The following NF1 variants were observed in gnomAD, a reference collection of about 807,000 sequenced individuals.
NF1 encodes the protein neurofibromin.
A neutral mutation model predicts 325.7 loss-of-function variants in NF1; 122 were observed. The ratio of observed to expected loss-of-function variants is 0.37; its 90% CI spans 0.32 to 0.44. NF1 has a LOEUF of 0.44. Among genes scored for constraint, NF1 ranks in the 20% least tolerant of loss-of-function variants. The pLI, the probability that NF1 is intolerant of heterozygous loss-of-function variation, is 1.00. For missense variants in NF1, 2,140 were observed against 3,415.4 expected (o/e 0.63, Z 9.31); for synonymous variants, 1,091 against 1,186.0 (o/e 0.92, Z 1.65).
intron 36 of NF1, among the ~76,000 whole-genome samples, chr17:31,273,806 A>G (rs924868178): frequency 6.6e-6 from 1 of 152,322 alleles, no homozygotes; most frequent in Non-Finnish European, 1.5e-5. Flanking sequence ...TAAAGTTCTA[A>G]AATCTGCTTG....
intron 57 of NF1, chr17:31,362,386 A>G (rs1362270761): frequency 1.0e-6 from 1 of 976,326 alleles, no homozygotes; most frequent in Non-Finnish European, 1.2e-6. Context: ...TTAGGCTCAC[A>G]ATATTGTGTA....
At chr17:31,175,481 C>G (rs1427661415) in intron 5 of NF1, among the ~76,000 whole-genome samples, 1 of 150,568 alleles carries the variant, frequency 6.6e-6, no homozygotes, top group Non-Finnish European at 1.5e-5. Context: ...TTCGAAAGTG[C>G]TGAGATTATA....
At chr17:31,120,914 C>T (rs1030862465) in intron 1 of NF1, among the ~76,000 whole-genome samples, 16 of 151,812 alleles carry the variant, frequency 1.1e-4, no homozygotes, top group Admixed American at 2.0e-4. Flanking sequence ...ATTCCCACAA[C>T]TTCTAGGCCC....
intron 8 of NF1, among the ~76,000 whole-genome samples, chr17:31,183,852 G>A (rs1309012079): frequency 6.6e-6 from 1 of 152,136 alleles, no homozygotes; most frequent in African/African-American, 2.4e-5. Flanking sequence ...TCCTGCCCTC[G>A]AACATCAGAC....
In NF1 at chr17:31,360,576, C is replaced by T. The variant is rs769488796; in HGVS notation, c.8250C>T (p.Thr2750=). 6.2e-7 allele frequency: 1 copy of T among 1,614,020 alleles called. No homozygotes were observed. Among genetic ancestry groups the T allele is most frequent in the Non-Finnish European group, 8.5e-7 (1 of 1,179,994 alleles). ...DTYLPGIDEE[T]SEESLLTPTS... ...ACCTGCCTGGAATTGATGAAGAAAC[C>T]AGTGAAGAATCCCTCCTGACTCCCA... Residue 2750 remains threonine (T), a synonymous_variant, in exon 57 of 58, where the codon ACC becomes ACT. Coordinates refer to ENST00000358273, the MANE Select transcript of NF1 (RefSeq NM_001042492.3).
rs748843392 is a variant in NF1, at chr17:31,352,408, T to A, written c.7609T>A (p.Leu2537Met). 2 of 1,609,968 alleles carry A rather than the reference T, an allele frequency of 1.2e-6. No homozygotes were observed. Among genetic ancestry groups the A allele is most frequent in the Non-Finnish European group, 1.7e-6 (2 of 1,178,062 alleles). Reference sequence around the variant, plus strand: ...ACCTTCTCAGGCCAACACTAAGAAGTTGCTTGGTTAGTTTATCTAAATTAT... The same window carrying A: ...ACCTTCTCAGGCCAACACTAAGAAGATGCTTGGTTAGTTTATCTAAATTAT... ...GQPSQANTKK[L>M]LGTRKSFDHL... is the part of the protein sequence containing the mutation. The change falls in exon 51 of 58, where the codon TTG becomes ATG. Residue 2537 changes from leucine (L) to methionine (M), a missense_variant. Around this residue, in one of 10 missense-constraint regions of NF1, gnomAD observed 522 missense variants for 749.0 expected, o/e 0.70. Coordinates refer to ENST00000358273, the MANE Select transcript of NF1 (RefSeq NM_001042492.3).
At chr17:31,201,650 TA>T (rs2066533324) in intron 11 of NF1, among the ~76,000 whole-genome samples, 165 bp downstream of exon 11, 1 of 152,210 alleles carries the variant, frequency 6.6e-6, no homozygotes, top group Non-Finnish European at 1.5e-5. Flanking sequence ...AATTGATAAA[TA>T]TTTGTATTTT....
intron 36 of NF1, among the ~76,000 whole-genome samples, chr17:31,308,686 A>C (rs765171304): frequency 1.3e-5 from 2 of 151,576 alleles, no homozygotes; most frequent in African/African-American, 2.4e-5. Context: ...TTCTGGCTGC[A>C]TATCTGAATC....
chr17:31,298,680 A>G (rs566826395), intron 36 of NF1, among the ~76,000 whole-genome samples: 9 of 152,238 alleles, frequency 5.9e-5, no homozygotes, highest in African/African-American at 2.2e-4. Context: ...TGAACTCTCA[A>G]TTGGATTCTT....
At chr17:31,318,582 C>T in intron 36 of NF1, 1 of 1,614,074 alleles carries the variant, frequency 6.2e-7, no homozygotes, top group African/African-American at 1.3e-5. Flanking sequence ...TAAGAAAAAG[C>T]ACTGCAATTA....
intron 36 of NF1, among the ~76,000 whole-genome samples, chr17:31,282,404 A>G (rs1415183025): frequency 6.6e-6 from 1 of 150,782 alleles, no homozygotes; most frequent in Non-Finnish European, 1.5e-5. Flanking sequence ...AAAAAAGTAT[A>G]CAATTTTGCA....
At chr17:31,123,384 C>A (rs1450763154) in intron 1 of NF1, among the ~76,000 whole-genome samples, 2 of 152,086 alleles carry the variant, frequency 1.3e-5, no homozygotes, top group African/African-American at 4.8e-5. Context: ...TTTCCATTTT[C>A]ATTTTTAGCA....
chr17:31,108,083 T>G (rs1313592456), intron 1 of NF1, among the ~76,000 whole-genome samples: 2 of 151,290 alleles, frequency 1.3e-5, no homozygotes, highest in Non-Finnish European at 2.9e-5. Context: ...CAGTGAGTGG[T>G]GTTTGTGCTA....
chr17:31,228,015 G>T (rs1329668636), intron 20 of NF1, among the ~76,000 whole-genome samples: 1 of 152,146 alleles, frequency 6.6e-6, no homozygotes, highest in Admixed American at 6.5e-5. Flanking sequence ...CCCTTCATCA[G>T]GGTGTTTCAC....
At chr17:31,257,908 A>G (rs1236077990) in intron 31 of NF1, among the ~76,000 whole-genome samples, 1 of 152,142 alleles carries the variant, frequency 6.6e-6, no homozygotes, top group Non-Finnish European at 1.5e-5. Context: ...ACTATCAGGT[A>G]TAGGATGTTT....
rs772950603 is a variant in NF1 at position 31,258,513 on chromosome 17, T to C, written c.4332+11T>C. On this transcript the variant is annotated intron_variant, in intron 32 of 57. Coordinates refer to ENST00000358273, the MANE Select transcript of NF1 (RefSeq NM_001042492.3). ...AAGTTAATGTCAAAGGTGAATTATT[T>C]TGATAATCTAGCTATCTTAAATTCC... 1 of 1,613,202 alleles carries C rather than the reference T, an allele frequency of 6.2e-7. No individual in the cohort carries two copies. The highest frequency in any genetic ancestry group is 1.7e-5 in the Admixed American group (1 of 59,942).
intron 36 of NF1, among the ~76,000 whole-genome samples, chr17:31,280,631 CCTCTGGTCTAGG>C (rs1416792761): frequency 1.3e-5 from 2 of 151,646 alleles, no homozygotes; most frequent in African/African-American, 4.8e-5. Context: ...ACTTTGCTGA[CCTCTGGTCTAGG>C]CTATTACAAC....
At chr17:31,225,311 A>T (rs2066995007) in intron 17 of NF1, 61 bp downstream of exon 17, 1 of 1,574,310 alleles carries the variant, frequency 6.4e-7, no homozygotes, top group Non-Finnish European at 8.7e-7. Flanking sequence ...TTCTGAATGA[A>T]ATTTGGTAAA....
intron 37 of NF1, 45 bp downstream of exon 37, chr17:31,326,297 G>T: frequency 6.4e-7 from 1 of 1,561,624 alleles, no homozygotes; most frequent in South Asian, 1.1e-5. Context: ...TGCTTTTCTT[G>T]ACTAACTAGA....
Sources: gnomAD v4.1 joint callset for allele counts (sites outside exome capture counted in the v4.1 genomes callset) on GRCh38, gnomAD v4.1.1 for gene constraint, gnomAD v4.1.1 regional missense constraint, MANE v1.5 for transcripts, NCBI Gene and HGNC (gene_info 2026-07-23, HGNC 2026-07-21) for gene names.